Variants in NRXN1 observed in about 807,000 individuals in gnomAD.
NRXN1 encodes neurexin 1, also known as neurexin-1.
In NRXN1, 39 loss-of-function variants were observed where a neutral mutation model predicts 150.9. The ratio of observed to expected loss-of-function variants is 0.26; its 90% CI spans 0.20 to 0.34. The LOEUF is 0.34. Ranked by LOEUF, NRXN1 falls within the 10% of genes least tolerant of loss-of-function variation. The pLI, the probability that NRXN1 is intolerant of heterozygous loss-of-function variation, is 1.00. For missense variants in NRXN1, 1,815 were observed against 1,949.9 expected, an observed-to-expected ratio of 0.93 and a Z score of 1.30; for synonymous variants, 924 against 757.0, an observed-to-expected ratio of 1.22 and a Z score of -3.62.
At position 50,093,934 on chromosome 2, in the gene NRXN1, G is replaced by C. The variant is rs534355885; in HGVS notation, c.3547-2440C>G. ...ATTACACCAGGCTGAGTTTAGGACT[G>C]TTGTGCCATCCTATAGCTGTAGCTA... On this transcript the variant is annotated intron_variant, in intron 18 of 22. Coordinates refer to ENST00000401669, the MANE Select transcript of NRXN1 (RefSeq NM_001330078.2). 8.5e-4 allele frequency among the ~76,000 whole-genome samples: 129 copies of C among 152,318 alleles called. 1 individual carries two copies. Among genetic ancestry groups the C allele is most frequent in the African/African-American group, 3.0e-3 (126 of 41,560 alleles).
At chr2:50,920,693 G>T (rs1349357385) in intron 5 of NRXN1, among the ~76,000 whole-genome samples, 8 of 151,634 alleles carry the variant, frequency 5.3e-5, no homozygotes, top group Non-Finnish European at 3.0e-5. Context: ...ACTCAAAATG[G>T]TACACAAAAC....
rs551602151 is a variant in NRXN1, at chr2:50,204,448, T to C, written c.3546+32341A>G. Among the ~76,000 whole-genome samples the C allele has an allele frequency of 5.9e-4, 90 of 152,086 alleles. 3 individuals are homozygous for C. Among genetic ancestry groups the C allele is most frequent in the Admixed American group, 5.2e-3 (79 of 15,250 alleles). ...TACCTTCCAATTCAACTGTAGCTAT[T>C]GGCTCTGTCAGTTTTAGCCTTCCAA... is the stretch of plus-strand genomic sequence containing the variant. On this transcript the variant is annotated intron_variant, in intron 18 of 22. Coordinates refer to ENST00000401669, the MANE Select transcript of NRXN1 (RefSeq NM_001330078.2).
intron 5 of NRXN1, among the ~76,000 whole-genome samples, chr2:50,862,662 C>T (rs998256018): frequency 2.6e-5 from 4 of 152,058 alleles, no homozygotes; most frequent in African/African-American, 9.7e-5. Context: ...CACAGTAGTA[C>T]ATGACTGCTG....
chr2:50,828,034 T>C (rs1003385687), intron 5 of NRXN1, among the ~76,000 whole-genome samples: 2 of 149,908 alleles, frequency 1.3e-5, no homozygotes, highest in Non-Finnish European at 3.0e-5. Flanking sequence ...AACCATCCGA[T>C]TTCTCAATCT....
intron 21 of NRXN1, among the ~76,000 whole-genome samples, chr2:50,027,713 G>A: frequency 6.6e-6 from 1 of 152,100 alleles, no homozygotes; most frequent in East Asian, 1.9e-4. Flanking sequence ...ATATAGATGG[G>A]AGCCATGGCA....
intron 2 of NRXN1, among the ~76,000 whole-genome samples, chr2:50,949,640 T>C (rs1265568401): frequency 3.9e-5 from 6 of 152,054 alleles, no homozygotes; most frequent in Admixed American, 2.6e-4. Flanking sequence ...ATGGTGTGGT[T>C]TCATTCCTAC....
intron 19 of NRXN1, among the ~76,000 whole-genome samples, chr2:50,087,666 C>A (rs1698979875): frequency 6.6e-6 from 1 of 151,980 alleles, no homozygotes; most frequent in Non-Finnish European, 1.5e-5. Flanking sequence ...ACTTTGCTCT[C>A]TATATAGAAA....
intron 18 of NRXN1, among the ~76,000 whole-genome samples, chr2:50,168,458 C>T (rs1183024908): frequency 6.6e-6 from 1 of 152,028 alleles, no homozygotes; most frequent in Non-Finnish European, 1.5e-5. Context: ...TTTGACGTCA[C>T]ATAAATGTAG....
chr2:50,657,590 G>A (rs1050468070), intron 5 of NRXN1, among the ~76,000 whole-genome samples: 2 of 152,012 alleles, frequency 1.3e-5, no homozygotes, highest in African/African-American at 4.8e-5. Context: ...AGAATGTCAG[G>A]AGTGAAGTTG....
chr2:50,918,336 A>G, intron 5 of NRXN1: 1 of 249,762 alleles, frequency 4.0e-6, no homozygotes, highest in Non-Finnish European at 7.6e-6. Context: ...TTCAAGATAC[A>G]ATAAGAAAAA....
At chr2:50,156,824 G>C (rs1261700790) in intron 18 of NRXN1, among the ~76,000 whole-genome samples, 1 of 151,770 alleles carries the variant, frequency 6.6e-6, no homozygotes, top group Non-Finnish European at 1.5e-5. Context: ...ACTGCTATTG[G>C]TTTGAATTAC....
intron 2 of NRXN1, among the ~76,000 whole-genome samples, chr2:50,944,419 C>G (rs977657603): frequency 9.2e-5 from 14 of 152,066 alleles, no homozygotes; most frequent in Non-Finnish European, 7.3e-5. Flanking sequence ...ATAATAGAAT[C>G]TACTTCATAG....
At chr2:50,694,650 AAATC>A (rs1407992781) in intron 5 of NRXN1, among the ~76,000 whole-genome samples, 1 of 152,174 alleles carries the variant, frequency 6.6e-6, no homozygotes, top group Non-Finnish European at 1.5e-5. Context: ...AGGGAAAAGA[AAATC>A]AAACCAATTC....
At chr2:49,988,197 ATTTC>A (rs144220682) in intron 21 of NRXN1, among the ~76,000 whole-genome samples, 3,721 of 152,078 alleles carry the variant, frequency 0.024, 95 homozygotes, top group African/African-American at 0.058. Context: ...ATAATAAATA[ATTTC>A]TTTGACTCTT....
chr2:50,442,510 G>T (rs567324112), intron 17 of NRXN1, among the ~76,000 whole-genome samples: 7 of 152,156 alleles, frequency 4.6e-5, no homozygotes, highest in African/African-American at 1.7e-4. Context: ...GATGAAGGAG[G>T]GAGAAATGTG....
intron 5 of NRXN1, among the ~76,000 whole-genome samples, chr2:50,898,251 AG>A (rs1442611181): frequency 1.3e-5 from 2 of 152,220 alleles, no homozygotes; most frequent in East Asian, 3.9e-4. Flanking sequence ...TTTTTTATAC[AG>A]TTCATTCCCT....
chr2:50,420,428 C>T (rs1533692), intron 17 of NRXN1, among the ~76,000 whole-genome samples: 36,565 of 151,852 alleles, frequency 0.24, 4,688 homozygotes, highest in East Asian at 0.43. Context: ...CACACACACA[C>T]ACACGGCAAA....
chr2:50,541,666 T>C (rs1036323231), intron 9 of NRXN1, among the ~76,000 whole-genome samples: 5 of 151,822 alleles, frequency 3.3e-5, no homozygotes, highest in African/African-American at 1.2e-4. Flanking sequence ...AATTTTCAAA[T>C]ATCCCAGTGC....
At chr2:50,352,960 T>A (rs551380729) in intron 17 of NRXN1, among the ~76,000 whole-genome samples, 2 of 152,018 alleles carry the variant, frequency 1.3e-5, no homozygotes, top group Non-Finnish European at 2.9e-5. Context: ...CAGTCATAGA[T>A]ATAGATTGGT....
Sources: allele counts gnomAD v4.1 joint callset (sites outside exome capture counted in the v4.1 genomes callset), GRCh38; gene constraint gnomAD v4.1.1; transcripts MANE v1.5; gene names NCBI Gene and HGNC (gene_info 2026-07-23, HGNC 2026-07-21).